Variants in BCAS4 observed in about 807,000 individuals in gnomAD.
BCAS4 encodes the protein breast carcinoma-amplified sequence 4.
Under a neutral mutation model 15.7 loss-of-function variants are expected in BCAS4, and 9 were observed. The observed-to-expected ratio is 0.57, with a 90% CI of 0.34 to 1.00. The LOEUF is 1.00. Ranked by LOEUF, BCAS4 falls within the 50% of genes least tolerant of loss-of-function variation. The pLI, the probability that BCAS4 is intolerant of heterozygous loss-of-function variation, is 0.02. For synonymous variants in BCAS4, 101 were observed against 99.5 expected, an observed-to-expected ratio of 1.02 and a Z score of -0.09; for missense variants, 225 against 239.1, an observed-to-expected ratio of 0.94 and a Z score of 0.39.
At chr20:50,801,040 G>A (rs899147248) in intron 1 of BCAS4, among the ~76,000 whole-genome samples, 4 of 152,136 alleles carry the variant, frequency 2.6e-5, no homozygotes, top group East Asian at 1.9e-4. Context: ...TTGCAAACAC[G>A]GCACACCTGT....
intron 1 of BCAS4, among the ~76,000 whole-genome samples, chr20:50,808,905 C>A (rs1420828502): frequency 6.6e-6 from 1 of 152,114 alleles, no homozygotes. Context: ...AAAGTCTTTG[C>A]CTAAGCCAAT....
chr20:50,805,397 G>GT (rs2013741764), intron 1 of BCAS4, among the ~76,000 whole-genome samples: 1 of 152,212 alleles, frequency 6.6e-6, no homozygotes, highest in African/African-American at 2.4e-5. Flanking sequence ...CTGTCATAGT[G>GT]TTTTTTAACT....
rs200416545 is a variant in BCAS4 at position 50,841,903 on chromosome 20, G to T, written c.399+3G>T. ...CAGGGCTCCCCTCCTTCAGGAACGTGAGTATCCTGCCCCGAGAAGTGAGGG... is the reference window on the plus strand; with the variant it reads ...CAGGGCTCCCCTCCTTCAGGAACGTTAGTATCCTGCCCCGAGAAGTGAGGG... On this transcript the variant is annotated splice_donor_region_variant and intron_variant, in intron 4 of 4. Coordinates refer to ENST00000371608, the MANE Select transcript of BCAS4 (RefSeq NM_198799.4). The T allele has an allele frequency of 3.2e-6, 5 of 1,574,134 alleles. No homozygotes were observed. Among genetic ancestry groups the T allele is most frequent in the Non-Finnish European group, 4.3e-6 (5 of 1,158,942 alleles).
intron 3 of BCAS4, among the ~76,000 whole-genome samples, chr20:50,833,529 C>T (rs954984001): frequency 2.0e-5 from 3 of 152,190 alleles, no homozygotes; most frequent in Non-Finnish European, 2.9e-5. Context: ...CACTCCCCAG[C>T]GTGACAACCA....
chr20:50,866,558 C>G (rs74861895), intron 4 of BCAS4, among the ~76,000 whole-genome samples: 6,735 of 152,304 alleles, frequency 0.044, 288 homozygotes, highest in East Asian at 0.15. Flanking sequence ...TGGCAATGAA[C>G]TCATTTTTAA....
intron 4 of BCAS4, among the ~76,000 whole-genome samples, chr20:50,871,010 A>G (rs771543679): frequency 5.9e-4 from 90 of 152,222 alleles, no homozygotes; most frequent in Non-Finnish European, 1.1e-3. Context: ...GGGGAGCTGG[A>G]TTCCAAAGGG....
At chr20:50,854,443 G>T (rs918942859) in intron 4 of BCAS4, among the ~76,000 whole-genome samples, 3 of 152,142 alleles carry the variant, frequency 2.0e-5, no homozygotes, top group Non-Finnish European at 2.9e-5. Context: ...GCAGGCACCC[G>T]GACGCTCTGC....
chr20:50,809,656 T>A (rs2088036566), intron 1 of BCAS4, among the ~76,000 whole-genome samples: 1 of 152,196 alleles, frequency 6.6e-6, no homozygotes, highest in South Asian at 2.1e-4. Context: ...ATGGTGGTAT[T>A]TTGATGGGAA....
chr20:50,826,209 C>G (rs1424715018), intron 2 of BCAS4, among the ~76,000 whole-genome samples: 4 of 152,230 alleles, frequency 2.6e-5, no homozygotes, highest in African/African-American at 9.6e-5. Context: ...GAGCTTCTCT[C>G]TAGAAATCTG....
At chr20:50,835,778 C>T (rs910466135) in intron 3 of BCAS4, among the ~76,000 whole-genome samples, 35 of 152,168 alleles carry the variant, frequency 2.3e-4, no homozygotes, top group African/African-American at 8.2e-4. Flanking sequence ...CTCCTGTCAA[C>T]ACCCCTGCAC....
At chr20:50,846,319 G>A (rs923614165) in intron 4 of BCAS4, among the ~76,000 whole-genome samples, 2 of 152,062 alleles carry the variant, frequency 1.3e-5, no homozygotes, top group African/African-American at 4.8e-5. Flanking sequence ...GTGACCATGG[G>A]CAAGTCTCTT....
At chr20:50,807,203 A>AT (rs916436571) in intron 1 of BCAS4, among the ~76,000 whole-genome samples, 6 of 141,850 alleles carry the variant, frequency 4.2e-5, no homozygotes, top group South Asian at 2.2e-4. Context: ...GTTATTTTCT[A>AT]TTTTTTTTGA....
chr20:50,874,050 G>A (rs978311511), intron 4 of BCAS4, among the ~76,000 whole-genome samples: 3 of 152,094 alleles, frequency 2.0e-5, no homozygotes, highest in African/African-American at 4.8e-5. Context: ...TCACTTTTGG[G>A]GGACACATGA....
chr20:50,844,112 G>A (rs1443172950), intron 4 of BCAS4, among the ~76,000 whole-genome samples: 1 of 151,654 alleles, frequency 6.6e-6, no homozygotes, highest in Non-Finnish European at 1.5e-5. Flanking sequence ...TCGCATGACT[G>A]CACTCAGCCT....
At position 50,828,889 on chromosome 20, in the gene BCAS4, G is replaced by A. The variant is rs1280063959; in HGVS notation, c.163-1390G>A. 7.2e-5 allele frequency among the ~76,000 whole-genome samples: 11 copies of A among 152,150 alleles called. No individual in the cohort carries two copies. The East Asian group carries it at 1.9e-3, about 27-fold the overall frequency. On this transcript the variant is annotated intron_variant, in intron 2 of 4. Coordinates refer to ENST00000371608, the MANE Select transcript of BCAS4 (RefSeq NM_198799.4). ...GACCACGGGGGGCACATCAGAAGCCGCCTCCACACTCCACGCCAGCATTGT... is the reference window on the plus strand; with the variant it reads ...GACCACGGGGGGCACATCAGAAGCCACCTCCACACTCCACGCCAGCATTGT...
intron 1 of BCAS4, among the ~76,000 whole-genome samples, chr20:50,815,683 A>G (rs967742460): frequency 6.6e-6 from 1 of 152,180 alleles, no homozygotes; most frequent in African/African-American, 2.4e-5. Context: ...ACTTGGTACT[A>G]TTTATACTCC....
chr20:50,878,173 CTT>C (rs1476500038), downstream of BCAS4: 1 of 152,078 alleles, frequency 6.6e-6, no homozygotes, highest in Non-Finnish European at 1.5e-5. Context: ...TTTTTATTCT[CTT>C]TTCTTTTTTT....
chr20:50,796,395 C>A (rs1432463825), intron 1 of BCAS4, among the ~76,000 whole-genome samples: 1 of 125,390 alleles, frequency 8.0e-6, no homozygotes, highest in Non-Finnish European at 1.6e-5. Flanking sequence ...AAATATCTTT[C>A]CATATATATA....
Position 50,840,710 on chromosome 20 carries a change from C to T in BCAS4, c.265-1056C>T, listed in dbSNP as rs1194113587. ...TCTGTCTTCTTCAGTTTCGACTTAT[C>T]GAATTTCTCGATCTCAGCCATATCG... On this transcript the variant is annotated intron_variant, in intron 3 of 4. Coordinates refer to ENST00000371608, the MANE Select transcript of BCAS4 (RefSeq NM_198799.4). 17 of 1,612,656 alleles carry T rather than the reference C, an allele frequency of 1.1e-5. 1 individual carries two copies. In the South Asian group the frequency reaches 1.1e-4, roughly 10 times the overall value.
Sources: allele counts gnomAD v4.1 joint callset (sites outside exome capture counted in the v4.1 genomes callset), GRCh38; gene constraint gnomAD v4.1.1; transcripts MANE v1.5; gene names NCBI Gene and HGNC (gene_info 2026-07-23, HGNC 2026-07-21).